Variants in AKAP13 observed in about 807,000 individuals in gnomAD.
The protein encoded by AKAP13 is A-kinase anchoring protein 13, also known as A-kinase anchor protein 13.
AKAP13 carries 80 observed loss-of-function variants against 264.5 expected under a neutral mutation model. The ratio of observed to expected loss-of-function variants is 0.30; its 90% CI spans 0.25 to 0.36. The LOEUF is 0.36. Ranked by LOEUF, AKAP13 falls within the 10% of genes least tolerant of loss-of-function variation. The probability of loss-of-function intolerance (pLI) is 1.00; values close to 1 mark genes in which losing one functional copy is unlikely to be tolerated. For missense variants in AKAP13, 3,712 were observed against 3,435.2 expected (o/e 1.08, Z -2.01); for synonymous variants, 1,380 against 1,250.2 (o/e 1.10, Z -2.19).
At chr15:85,683,289 A>T (rs988072402) in intron 15 of AKAP13, among the ~76,000 whole-genome samples, 1 of 152,250 alleles carries the variant, frequency 6.6e-6, no homozygotes, top group Admixed American at 6.5e-5. Context: ...GACTGTTGAC[A>T]GGACCCCTTG....
chr15:85,632,420 A>G (rs1357346324), intron 8 of AKAP13, among the ~76,000 whole-genome samples: 1 of 152,156 alleles, frequency 6.6e-6, no homozygotes, highest in Non-Finnish European at 1.5e-5. Flanking sequence ...ACAGAAACAA[A>G]CCTGCCCTTT....
rs1421387238 is a variant in AKAP13, at chr15:85,613,715, A to ATATATATATATATATATATATAT, written c.4162-25659_4162-25658insTATATATATATATATATATATAT. 3.0e-4 allele frequency among the ~76,000 whole-genome samples: 23 copies of ATATATATATATATATATATATAT among 76,912 alleles called. 1 individual carries two copies. The highest frequency in any genetic ancestry group is 4.1e-4 in the Non-Finnish European group (14 of 34,156). 50.5% of individuals were successfully genotyped at this position (76,912 alleles called of 152,430 possible). A position where few individuals can be genotyped will look rare whatever the true frequency, so the allele number is the denominator to read the frequency against. Reference sequence around the variant, plus strand: ...AAATATATATATATATATATATATTAGGAGTGCTGATTGATGGACAGATGT... The same window carrying ATATATATATATATATATATATAT: ...AAATATATATATATATATATATATTATATATATATATATATATATATATGGAGTGCTGATTGATGGACAGATGT... On this transcript the variant is annotated intron_variant, in intron 8 of 36. Coordinates refer to ENST00000394518, the MANE Select transcript of AKAP13 (RefSeq NM_007200.5).
chr15:85,412,309 A>G (rs2072011149), intron 1 of AKAP13, among the ~76,000 whole-genome samples: 2 of 152,148 alleles, frequency 1.3e-5, no homozygotes, highest in Admixed American at 6.5e-5. Flanking sequence ...TTAAAATACT[A>G]CTCCTTTTTC....
intron 1 of AKAP13, among the ~76,000 whole-genome samples, chr15:85,436,537 C>T (rs1237104612): frequency 2.4e-4 from 36 of 150,152 alleles, no homozygotes; most frequent in Admixed American, 1.7e-3. Context: ...CCACACCCCA[C>T]CTATTCCAAA....
chr15:85,520,318 A>C (rs1380806345), intron 2 of AKAP13, among the ~76,000 whole-genome samples: 1 of 151,986 alleles, frequency 6.6e-6, no homozygotes, highest in Non-Finnish European at 1.5e-5. Context: ...AACACGGCGA[A>C]ACCTTGTCTC....
chr15:85,636,147 C>T (rs1036054097), intron 8 of AKAP13, among the ~76,000 whole-genome samples: 3 of 151,878 alleles, frequency 2.0e-5, no homozygotes, highest in Non-Finnish European at 4.4e-5. Context: ...TAAAATTATC[C>T]CTAATTATTT....
chr15:85,666,024 C>A (rs1221155313), intron 13 of AKAP13, among the ~76,000 whole-genome samples: 1 of 152,182 alleles, frequency 6.6e-6, no homozygotes. Context: ...GATTTATAAT[C>A]CTTTGGGTAT....
At position 85,745,307 on chromosome 15, in the gene AKAP13, A is replaced by G. The variant is rs2089337057; in HGVS notation, c.*630A>G. 2 of 151,898 alleles carry G rather than the reference A, an allele frequency of 1.3e-5. No homozygotes were observed. Among genetic ancestry groups the G allele is most frequent in the South Asian group, 2.1e-4 (1 of 4,822 alleles). 9.4% of individuals were successfully genotyped at this position (151,898 alleles called of 1,614,324 possible). On this transcript the variant is annotated 3_prime_UTR_variant, in exon 37 of 37. Transcript: ENST00000394518. ...CACCCGTGTTTTGCATGTATTTCTC[A>G]TTTCATTTTAGGGATGACAAACATT...
At chr15:85,460,997 C>T (rs1166054530) in intron 1 of AKAP13, among the ~76,000 whole-genome samples, 1 of 151,822 alleles carries the variant, frequency 6.6e-6, no homozygotes, top group African/African-American at 2.4e-5. Flanking sequence ...TAGTTTATGA[C>T]ATCAATAGAA....
Position 85,655,639 on chromosome 15 carries a change from G to A in AKAP13, c.4597G>A (p.Val1533Met), listed in dbSNP as rs147374322. The A allele has an allele frequency of 1.2e-5, 20 of 1,614,114 alleles. No individual in the cohort carries two copies. Among genetic ancestry groups the A allele is most frequent in the African/African-American group, 6.7e-5 (5 of 74,944 alleles). ...GAGTGAGCCTGCTGACCCAGGCGAC[G>A]TGGAGGAGGAGGAGATGGACAGTAT... Reference protein sequence around the residue: ...SESEPADPGDVEEEEMDSITE... With the variant: ...SESEPADPGDMEEEEMDSITE... The change falls in exon 11 of 37, where the codon GTG becomes ATG. Residue 1533 changes from valine to methionine, a missense_variant. Coordinates refer to ENST00000394518, the MANE Select transcript of AKAP13 (RefSeq NM_007200.5).
intron 1 of AKAP13, among the ~76,000 whole-genome samples, chr15:85,429,936 G>C (rs1179416585): frequency 6.6e-6 from 1 of 152,178 alleles, no homozygotes; most frequent in Non-Finnish European, 1.5e-5. Flanking sequence ...AATGGAACTT[G>C]GGTGCCTGTT....
chr15:85,601,950 CTT>C (rs1332690521), intron 8 of AKAP13, among the ~76,000 whole-genome samples: 1 of 151,840 alleles, frequency 6.6e-6, no homozygotes, highest in Non-Finnish European at 1.5e-5. Context: ...TAATTTCTGA[CTT>C]AATATAAAAT....
chr15:85,675,055 G>C (rs1020251997), intron 14 of AKAP13, among the ~76,000 whole-genome samples: 3 of 151,972 alleles, frequency 2.0e-5, no homozygotes, highest in Non-Finnish European at 4.4e-5. Flanking sequence ...GAATTGCTCT[G>C]TTACCAGAAC....
At chr15:85,487,003 A>G (rs1261177691) in intron 2 of AKAP13, among the ~76,000 whole-genome samples, 1 of 152,128 alleles carries the variant, frequency 6.6e-6, no homozygotes, top group Non-Finnish European at 1.5e-5. Flanking sequence ...AAGTGCTGGG[A>G]TTACAGGCGT....
At position 85,583,029 on chromosome 15, in the gene AKAP13, A is replaced by G. The variant is rs575412350; in HGVS notation, c.4039+922A>G. 55 of 985,474 alleles carry G rather than the reference A, an allele frequency of 5.6e-5. No homozygotes were observed. The South Asian group carries it at 1.8e-3, about 32-fold the overall frequency. 61.0% of individuals were successfully genotyped at this position (985,474 alleles called of 1,614,324 possible). On this transcript the variant is annotated intron_variant, in intron 7 of 36. Transcript: ENST00000394518. ...ACTTCTTAACGGGGGTTGAGGCTGAAGCTGAAACGGGAGTCGGACACGATC... is the reference window on the plus strand; with the variant it reads ...ACTTCTTAACGGGGGTTGAGGCTGAGGCTGAAACGGGAGTCGGACACGATC...
rs143362409 is a variant in AKAP13 at position 85,675,922 on chromosome 15, T to A, written c.5101+6092T>A. On this transcript the variant is annotated intron_variant, in intron 14 of 36. Transcript: ENST00000394518. Reference sequence around the variant, plus strand: ...AGAGATTGGATCAGTAGAAGGCTTTTTTTTTTTGAGAAGGAGTCTCACTCC... The same window carrying A: ...AGAGATTGGATCAGTAGAAGGCTTTATTTTTTTGAGAAGGAGTCTCACTCC... Among the ~76,000 whole-genome samples the A allele has an allele frequency of 1.4e-3, 208 of 152,038 alleles. 2 individuals are homozygous for A. Among genetic ancestry groups the A allele is most frequent in the Middle Eastern group, 0.014 (4 of 294 alleles).
intron 23 of AKAP13, among the ~76,000 whole-genome samples, chr15:85,721,326 A>G (rs1311337152): frequency 6.6e-6 from 1 of 152,180 alleles, no homozygotes; most frequent in Non-Finnish European, 1.5e-5. Context: ...ATCTACCCTG[A>G]TCCTTCTTTC....
rs1241019891 is a variant in AKAP13 at position 85,483,639 on chromosome 15, A to AC, written c.-11-2071_-11-2070insC. Reference sequence around the variant, plus strand: ...CAGAGCGAGACTCCGTCTCAAAAAAAAAAAAAAAAAAACACCAAAAAATCA... The same window carrying AC: ...CAGAGCGAGACTCCGTCTCAAAAAAACAAAAAAAAAAAACACCAAAAAATCA... On this transcript the variant is annotated intron_variant, in intron 1 of 36. Coordinates refer to ENST00000394518, the MANE Select transcript of AKAP13 (RefSeq NM_007200.5). Among the ~76,000 whole-genome samples the AC allele has an allele frequency of 1.4e-4, 17 of 122,318 alleles. No homozygotes were observed. In the Middle Eastern group the frequency reaches 0.02, roughly 144 times the overall value. The allele number at this position is 122,318 out of a possible 152,430, so 80.2% of individuals were successfully genotyped here.
intron 1 of AKAP13, among the ~76,000 whole-genome samples, chr15:85,411,322 G>C (rs1303001994): frequency 6.6e-6 from 1 of 152,130 alleles, no homozygotes; most frequent in Non-Finnish European, 1.5e-5. Context: ...CTCAACCTTT[G>C]AGCACACATT....
Sources: allele counts gnomAD v4.1 joint callset (sites outside exome capture counted in the v4.1 genomes callset), GRCh38; gene constraint gnomAD v4.1.1; transcripts MANE v1.5; gene names NCBI Gene and HGNC (gene_info 2026-07-23, HGNC 2026-07-21).